PHF23: variants seen among roughly 807,000 people sequenced by gnomAD.
PHF23 encodes PHD finger protein 23.
In PHF23, 3 loss-of-function variants were observed where a neutral mutation model predicts 36.0. The ratio of observed to expected loss-of-function variants is 0.08; its 90% CI spans 0.04 to 0.22. The LOEUF (loss-of-function observed/expected upper bound fraction) is 0.22, where lower values mean the gene tolerates loss of function less well. Ranked by LOEUF, PHF23 falls within the 10% of genes least tolerant of loss-of-function variation. PHF23 has a pLI of 1.00. For missense variants in PHF23, 475 were observed against 513.6 expected, an observed-to-expected ratio of 0.92 and a Z score of 0.73; for synonymous variants, 242 against 192.5, an observed-to-expected ratio of 1.26 and a Z score of -2.13.
chr17:7,235,946 G>A lies in PHF23; in HGVS notation c.981C>T (p.Asp327=). The change falls in exon 4 of 5, where the codon GAC becomes GAT. Residue 327 remains aspartate, a synonymous_variant. Coordinates refer to ENST00000320316, the MANE Select transcript of PHF23 (RefSeq NM_024297.3). ...ACCTCTCACCTGATTCTACCATGAT[G>A]TCCTCGTCCATGACCCGCATCTCGC... The part of the protein sequence containing the change: ...SEGEMRVMDE[D]IMVESGDDSW... The A allele has an allele frequency of 6.2e-7, 1 of 1,611,630 alleles. No homozygotes were observed. The highest frequency in any genetic ancestry group is 2.2e-5 in the East Asian group (1 of 44,836).
chr17:7,239,556 TCCCC>T, upstream of PHF23: 1 of 228,592 alleles, frequency 4.4e-6, no homozygotes, highest in East Asian at 1.1e-4. Context: ...CTCTCCCTCC[TCCCC>T]CCGCCGGCGC....
In PHF23 at chr17:7,236,179, C is replaced by G. The variant is rs1443233763; in HGVS notation, c.748G>C (p.Glu250Gln). ...TCTTCCTCTTCCTCCTCTTCCTCCT[C>G]CTCTTCAGAGTCTGTATCACTGGGG... ...APPSDTDSEE[E>Q]EEEEEEEEEE... is the part of the protein sequence containing the mutation. The change falls in exon 4 of 5, where the codon GAG becomes CAG. Residue 250 changes from glutamate to glutamine, a missense_variant. Glu to Gln is a conservative substitution (Grantham distance 29, BLOSUM62 2). Around this residue, in one of 5 missense-constraint regions of PHF23, gnomAD observed 350 missense variants for 319.8 expected, o/e 1.09. Transcript: ENST00000320316. This position sits in a 1 kb window ranked among gnomAD's most constrained non-coding sequence, Gnocchi z 5.1. 6.2e-7 allele frequency: 1 copy of G among 1,611,890 alleles called. No individual in the cohort carries two copies. Among genetic ancestry groups the G allele is most frequent in the Admixed American group, 1.7e-5 (1 of 59,820 alleles).
intron 3 of PHF23, 83 bp downstream of exon 3, chr17:7,237,302 A>G (rs2071688502): frequency 8.3e-7 from 1 of 1,204,706 alleles, no homozygotes; most frequent in Admixed American, 2.1e-5. Context: ...CTCCTTCTAT[A>G]AAGCAATACA....
Sources: gnomAD v4.1 joint callset for allele counts on GRCh38, gnomAD v4.1.1 for gene constraint, gnomAD v4.1.1 regional missense constraint, Gnocchi (gnomAD v3.1) non-coding constraint, MANE v1.5 for transcripts, NCBI Gene and HGNC (gene_info 2026-07-23, HGNC 2026-07-21) for gene names.